HIF1AN: variants seen among roughly 807,000 people sequenced by gnomAD.
HIF1AN encodes hypoxia-inducible factor 1-alpha inhibitor.
HIF1AN carries 21 observed loss-of-function variants against 47.7 expected under a neutral mutation model. That is an observed-to-expected ratio of 0.44 (90% CI 0.31 to 0.63). The LOEUF is 0.63. HIF1AN is among the 30% of genes least tolerant of loss of function. The probability of loss-of-function intolerance (pLI) is 0.07; values close to 1 mark genes in which losing one functional copy is unlikely to be tolerated. For missense variants in HIF1AN, 320 were observed against 432.7 expected, an observed-to-expected ratio of 0.74 and a Z score of 2.31; for synonymous variants, 152 against 155.9, an observed-to-expected ratio of 0.98 and a Z score of 0.18.
At chr10:100,540,851 G>A (rs1172669420) in intron 3 of HIF1AN, 69 bp downstream of exon 3, 7 of 1,346,596 alleles carry the variant, frequency 5.2e-6, no homozygotes, top group African/African-American at 1.5e-5. Context: ...TGTCTTCACC[G>A]CTTATTAGCT....
intron 7 of HIF1AN, 103 bp downstream of exon 7, chr10:100,547,353 T>A (rs553255056): frequency 1.4e-6 from 1 of 721,560 alleles, no homozygotes; most frequent in South Asian, 1.6e-5. Flanking sequence ...TCTGGTGTCC[T>A]CTCTCTCCAT....
intron 2 of HIF1AN, among the ~76,000 whole-genome samples, chr10:100,540,163 T>C (rs1465370735): frequency 3.3e-5 from 3 of 91,962 alleles, no homozygotes; most frequent in African/African-American, 1.2e-4. Flanking sequence ...TCCAGGTTCT[T>C]TTTTTTTTTT....
At chr10:100,538,015 G>C (rs1028559004) in intron 2 of HIF1AN, among the ~76,000 whole-genome samples, 4 of 151,664 alleles carry the variant, frequency 2.6e-5, no homozygotes, top group African/African-American at 9.8e-5. Flanking sequence ...ACCCAACATT[G>C]AGAGAAAGAT....
rs371883972 is a variant in HIF1AN, at chr10:100,549,040, CTGGGTG to C, written c.*906_*911del. ...GTATCCACACTAGGGGTGCAAGCCT[CTGGGTG>C]TGTGTGTGTGTGTGCGTGCGTGTGT... On this transcript the variant is annotated 3_prime_UTR_variant, in exon 8 of 8. Coordinates refer to ENST00000299163, the MANE Select transcript of HIF1AN (RefSeq NM_017902.3). 244 of 143,910 alleles carry C rather than the reference CTGGGTG, an allele frequency of 1.7e-3. No homozygotes were observed. The highest frequency in any genetic ancestry group is 6.0e-3 in the African/African-American group (233 of 38,530). 8.9% of individuals were successfully genotyped at this position (143,910 alleles called of 1,614,324 possible).
At position 100,558,026 on chromosome 10, in the gene HIF1AN, G is replaced by C. The variant is rs933992507; in HGVS notation, c.*9889G>C. On this transcript the variant is annotated 3_prime_UTR_variant, in exon 8 of 8. Coordinates refer to ENST00000299163, the MANE Select transcript of HIF1AN (RefSeq NM_017902.3). ...GTGAATGGGGAAGAATCATGGAGAA[G>C]GGAGCAGGACTCCACAGTACTGGAG... 2 of 152,338 alleles carry C rather than the reference G, an allele frequency of 1.3e-5. No homozygotes were observed. The highest frequency in any genetic ancestry group is 1.3e-4 in the Admixed American group (2 of 15,280). The allele number at this position is 152,338 out of a possible 1,614,324, so 9.4% of individuals were successfully genotyped here.
rs1315731181 is a variant in HIF1AN at position 100,551,575 on chromosome 10, AAGAT to A, written c.*3442_*3445del. On this transcript the variant is annotated 3_prime_UTR_variant, in exon 8 of 8. Coordinates refer to ENST00000299163, the MANE Select transcript of HIF1AN (RefSeq NM_017902.3). ...AGACATCTTTGGGCATGAGCCAACA[AAGAT>A]AGAAATAGATGAGTGTCAGGTACAA... The A allele has an allele frequency of 6.6e-6, 1 of 152,152 alleles. No homozygotes were observed. The highest frequency in any genetic ancestry group is 2.4e-5 in the African/African-American group (1 of 41,376). The allele number at this position is 152,152 out of a possible 1,614,324, so 9.4% of individuals were successfully genotyped here.
At position 100,536,116 on chromosome 10, in the gene HIF1AN, A is replaced by C; in HGVS notation, c.158A>C (p.Glu53Ala). ...PRLSQSDPRA[E>A]ELIENEEPVV... is the part of the protein sequence containing the mutation. ...CTGAGTCAGAGCGACCCCCGGGCAGAGGAGCTTATTGAGAATGAGGTGGGG... is the reference window on the plus strand; with the variant it reads ...CTGAGTCAGAGCGACCCCCGGGCAGCGGAGCTTATTGAGAATGAGGTGGGG... The change falls in exon 1 of 8, where the codon GAG becomes GCG. Residue 53 changes from glutamate (E) to alanine (A), a missense_variant. By Grantham distance (107) the Glu-to-Ala change is moderately radical (BLOSUM62 -1). Transcript: ENST00000299163. 6.2e-7 allele frequency: 1 copy of C among 1,603,468 alleles called. No individual in the cohort carries two copies. Among genetic ancestry groups the C allele is most frequent in the Non-Finnish European group, 8.5e-7 (1 of 1,175,206 alleles).
In HIF1AN at chr10:100,547,177, A is replaced by C; in HGVS notation, c.932A>C (p.Lys311Thr). 1 of 1,614,020 alleles carries C rather than the reference A, an allele frequency of 6.2e-7. No homozygotes were observed. Among genetic ancestry groups the C allele is most frequent in the Non-Finnish European group, 8.5e-7 (1 of 1,179,940 alleles). ...PTPKRIEYPL[K>T]AHQKVAIMRN... ...CCTAAGAGAATTGAATATCCTCTCA[A>C]AGCTCATCAGAAAGTGGCCATAATG... The change falls in exon 7 of 8, where the codon AAA (lysine) becomes ACA (threonine). Residue 311 changes from lysine to threonine, a missense_variant. Coordinates refer to ENST00000299163, the MANE Select transcript of HIF1AN (RefSeq NM_017902.3).
At chr10:100,538,588 C>T (rs997249533) in intron 2 of HIF1AN, among the ~76,000 whole-genome samples, 2 of 151,958 alleles carry the variant, frequency 1.3e-5, no homozygotes, top group African/African-American at 2.4e-5. Context: ...CTCAGCACTT[C>T]GGGAGGCAGA....
Position 100,554,586 on chromosome 10 carries a change from AC to A in HIF1AN, c.*6451del, listed in dbSNP as rs1843198365. On this transcript the variant is annotated 3_prime_UTR_variant, in exon 8 of 8. Transcript: ENST00000299163. ...TTTGGGAGGCTGAGGTGGGTGGATCACCTGAGGTCAGGAGTTTGAGACTATC... is the reference window on the plus strand; with the variant it reads ...TTTGGGAGGCTGAGGTGGGTGGATCACTGAGGTCAGGAGTTTGAGACTATC... 6.6e-6 allele frequency: 1 copy of A among 152,096 alleles called. No homozygotes were observed. The highest frequency in any genetic ancestry group is 1.5e-5 in the Non-Finnish European group (1 of 68,028). 9.4% of individuals were successfully genotyped at this position (152,096 alleles called of 1,614,324 possible).
chr10:100,546,625 C>A, intron 6 of HIF1AN, 44 bp downstream of exon 6: 3 of 1,432,122 alleles, frequency 2.1e-6, no homozygotes, highest in Non-Finnish European at 3.0e-6. Flanking sequence ...ATGGAACTGG[C>A]TCTTGGGTGA....
Position 100,547,230 on chromosome 10 carries a change from G to A in HIF1AN, c.985G>A (p.Ala329Thr). The change falls in exon 7 of 8, where the codon GCC (alanine) becomes ACC (threonine). Residue 329 changes from alanine to threonine, a missense_variant. Physicochemically the swap from Ala to Thr is moderately conservative, Grantham distance 58. Around this residue, in one of 2 missense-constraint regions of HIF1AN, gnomAD observed 161 missense variants for 272.8 expected, o/e 0.59. Coordinates refer to ENST00000299163, the MANE Select transcript of HIF1AN (RefSeq NM_017902.3). ...AAACATTGAGAAGATGCTTGGAGAGGCCTTGGGGAACCCACAAGAGGTAGG... is the reference window on the plus strand; with the variant it reads ...AAACATTGAGAAGATGCTTGGAGAGACCTTGGGGAACCCACAAGAGGTAGG... ...MRNIEKMLGE[A>T]LGNPQEVGPL... The A allele has an allele frequency of 6.2e-7, 1 of 1,613,394 alleles. No homozygotes were observed.
chr10:100,548,841 CAT>C lies in HIF1AN; in HGVS notation c.*706_*707del, dbSNP rs916014877. On this transcript the variant is annotated 3_prime_UTR_variant, in exon 8 of 8. Coordinates refer to ENST00000299163, the MANE Select transcript of HIF1AN (RefSeq NM_017902.3). Reference sequence around the variant, plus strand: ...AGCCATACATAAAAGGACCTTGGGACATAAGAACCAATGATTGTGCATAAGTT... The same window carrying C: ...AGCCATACATAAAAGGACCTTGGGACAAGAACCAATGATTGTGCATAAGTT... 2.6e-5 allele frequency: 4 copies of C among 152,640 alleles called. No homozygotes were observed. Among genetic ancestry groups the C allele is most frequent in the Non-Finnish European group, 5.9e-5 (4 of 68,054 alleles). The allele number at this position is 152,640 out of a possible 1,614,324, so 9.5% of individuals were successfully genotyped here.
At position 100,554,293 on chromosome 10, in the gene HIF1AN, C is replaced by T. The variant is rs1416683602; in HGVS notation, c.*6156C>T. On this transcript the variant is annotated 3_prime_UTR_variant, in exon 8 of 8. Coordinates refer to ENST00000299163, the MANE Select transcript of HIF1AN (RefSeq NM_017902.3). ...CCATGAAATGTAATAGCAGTCAAATCAGGCCCCTCTTGATTCAATTTTAGT... is the reference window on the plus strand; with the variant it reads ...CCATGAAATGTAATAGCAGTCAAATTAGGCCCCTCTTGATTCAATTTTAGT... 1 of 152,096 alleles carries T rather than the reference C, an allele frequency of 6.6e-6. No individual in the cohort carries two copies. The highest frequency in any genetic ancestry group is 1.5e-5 in the Non-Finnish European group (1 of 68,046). The allele number at this position is 152,096 out of a possible 1,614,324, so 9.4% of individuals were successfully genotyped here.
intron 3 of HIF1AN, among the ~76,000 whole-genome samples, chr10:100,542,985 C>T (rs1193727279): frequency 6.6e-6 from 1 of 151,554 alleles, no homozygotes; most frequent in African/African-American, 2.4e-5. Flanking sequence ...AATGCCAGGC[C>T]CATGGTAGGT....
At chr10:100,541,684 A>T (rs1843035203) in intron 3 of HIF1AN, among the ~76,000 whole-genome samples, 1 of 152,088 alleles carries the variant, frequency 6.6e-6, no homozygotes, top group Non-Finnish European at 1.5e-5. Flanking sequence ...TCTTTAAGCT[A>T]GTTTCGTGTA....
chr10:100,538,907 T>TTC (rs201981793), intron 2 of HIF1AN, among the ~76,000 whole-genome samples: 24,626 of 135,618 alleles, frequency 0.18, 2,495 homozygotes, highest in South Asian at 0.22. Flanking sequence ...GAACCTTTCT[T>TTC]TTTTTTTTTT....
chr10:100,541,504 T>C (rs1022908524), intron 3 of HIF1AN, among the ~76,000 whole-genome samples: 2 of 151,974 alleles, frequency 1.3e-5, no homozygotes, highest in Non-Finnish European at 2.9e-5. Flanking sequence ...TTTGTTGTTG[T>C]TGTTTTGTTT....
intron 2 of HIF1AN, among the ~76,000 whole-genome samples, chr10:100,539,686 T>C (rs150145300): frequency 1.6e-3 from 244 of 152,324 alleles, no homozygotes; most frequent in African/African-American, 5.4e-3. Context: ...TGTTCTTAAA[T>C]TACAGTTGGA....
Sources: gnomAD v4.1 joint callset for allele counts (sites outside exome capture counted in the v4.1 genomes callset) on GRCh38, gnomAD v4.1.1 for gene constraint, gnomAD v4.1.1 regional missense constraint, MANE v1.5 for transcripts, NCBI Gene and HGNC (gene_info 2026-07-23, HGNC 2026-07-21) for gene names.